The following NUP93 variants were observed in gnomAD, a reference collection of about 807,000 sequenced individuals.
NUP93 encodes the protein nuclear pore complex protein Nup93.
A neutral mutation model predicts 107.8 loss-of-function variants in NUP93; 55 were observed. The ratio of observed to expected loss-of-function variants is 0.51; its 90% CI spans 0.41 to 0.64. The LOEUF (loss-of-function observed/expected upper bound fraction) is 0.64. NUP93 is among the 30% of genes least tolerant of loss of function. NUP93 has a pLI of 0.00. For missense variants in NUP93, 937 were observed against 1,044.7 expected (o/e 0.90, Z 1.42); for synonymous variants, 390 against 397.5 (o/e 0.98, Z 0.22).
intron 3 of NUP93, among the ~76,000 whole-genome samples, chr16:56,777,034 G>GCACA (rs1962428133): frequency 1.3e-5 from 2 of 152,198 alleles, no homozygotes; most frequent in Non-Finnish European, 1.5e-5. Flanking sequence ...GTGTGTGTGT[G>GCACA]CACGCACGTG....
chr16:56,836,742 T>G (rs747701611), intron 17 of NUP93, 25 bp downstream of exon 17: 1 of 1,474,548 alleles, frequency 6.8e-7, no homozygotes, highest in East Asian at 2.3e-5. Flanking sequence ...CTTCCTTCTT[T>G]TGCACTTCAC....
chr16:56,778,673 G>A (rs1426784163), intron 3 of NUP93, among the ~76,000 whole-genome samples: 2 of 152,180 alleles, frequency 1.3e-5, no homozygotes, highest in Non-Finnish European at 2.9e-5. Flanking sequence ...TTGGGGCAAG[G>A]AGAAGGATGG....
At chr16:56,838,902 A>G in intron 18 of NUP93, 50 bp from the exon 19 acceptor site, 1 of 1,305,578 alleles carries the variant, frequency 7.7e-7, no homozygotes, top group Middle Eastern at 1.8e-4. Flanking sequence ...CGGATTACAC[A>G]GAAATTCCTG....
chr16:56,826,751 A>C (rs1164523402), intron 8 of NUP93, among the ~76,000 whole-genome samples: 1 of 151,900 alleles, frequency 6.6e-6, no homozygotes, highest in Non-Finnish European at 1.5e-5. Flanking sequence ...TAACTGCATA[A>C]AATTTCATTG....
rs1359344044 is a variant in NUP93, at chr16:56,822,545, T to C, written c.654+952T>C. Among the ~76,000 whole-genome samples, 3 of 134,148 alleles carry C rather than the reference T, an allele frequency of 2.2e-5. No homozygotes were observed. The East Asian group carries it at 7.0e-4, about 31-fold the overall frequency. 88.0% of individuals were successfully genotyped at this position (134,148 alleles called of 152,430 possible). On this transcript the variant is annotated intron_variant, in intron 7 of 21. Transcript: ENST00000308159. ...AAAAAAAAAAAGTAACTTTTTCTTT[T>C]CTTTCTTTCTTTTCTTTTCTTTTTT... is the stretch of plus-strand genomic sequence containing the variant.
rs182549039 is a variant in NUP93 at position 56,764,347 on chromosome 16, G to A, written c.297+5692G>A. 2.1e-3 allele frequency among the ~76,000 whole-genome samples: 323 copies of A among 152,040 alleles called. 3 individuals are homozygous for A. The highest frequency in any genetic ancestry group is 4.0e-3 in the African/African-American group (165 of 41,450). Reference sequence around the variant, plus strand: ...TCTACTAAAAATACAAAAATTAGCCGGACATGTTGGTGCACGCCTGTAATC... The same window carrying A: ...TCTACTAAAAATACAAAAATTAGCCAGACATGTTGGTGCACGCCTGTAATC... On this transcript the variant is annotated intron_variant, in intron 3 of 21. Transcript: ENST00000308159.
At chr16:56,814,848 G>T (rs1287633552) in intron 5 of NUP93, among the ~76,000 whole-genome samples, 2 of 152,226 alleles carry the variant, frequency 1.3e-5, no homozygotes, top group Non-Finnish European at 2.9e-5. Flanking sequence ...GCTCCGCCAA[G>T]CCCCAGTGCA....
At chr16:56,826,903 A>G (rs1963673699) in intron 8 of NUP93, among the ~76,000 whole-genome samples, 1 of 151,692 alleles carries the variant, frequency 6.6e-6, no homozygotes, top group Admixed American at 6.6e-5. Context: ...AAAATTAGCC[A>G]GGCATGATGG....
intron 3 of NUP93, among the ~76,000 whole-genome samples, chr16:56,759,578 G>A (rs1170045024): frequency 2.0e-5 from 3 of 152,158 alleles, no homozygotes; most frequent in Non-Finnish European, 2.9e-5. Context: ...TGTTCCCAAA[G>A]TATGAGAATC....
Position 56,844,742 on chromosome 16 carries a change from G to A in NUP93, c.*133G>A, listed in dbSNP as rs1056073880. The A allele has an allele frequency of 4.8e-6, 2 of 415,578 alleles. No homozygotes were observed. The highest frequency in any genetic ancestry group is 7.1e-5 in the East Asian group (2 of 28,160). The allele number at this position is 415,578 out of a possible 1,614,324, so 25.7% of individuals were successfully genotyped here. A position where few individuals can be genotyped will look rare whatever the true frequency, so the allele number is the denominator to read the frequency against. ...TTCTGTATTATGTATTTTTGTCAAC[G>A]CCAATAAATTTCTTTGATTTGTATT... On this transcript the variant is annotated 3_prime_UTR_variant, in exon 22 of 22. Transcript: ENST00000308159.
Position 56,832,023 on chromosome 16 carries a change from C to T in NUP93, c.1251+16C>T, listed in dbSNP as rs747332469. 1.2e-6 allele frequency: 2 copies of T among 1,613,590 alleles called. No individual in the cohort carries two copies. The highest frequency in any genetic ancestry group is 1.7e-6 in the Non-Finnish European group (2 of 1,179,770). ...GTGGCTGAAGGTAGGCACTGTTTCCCCTGCCCACATAGGGCTTTACCCCTT... is the reference window on the plus strand; with the variant it reads ...GTGGCTGAAGGTAGGCACTGTTTCCTCTGCCCACATAGGGCTTTACCCCTT... On this transcript the variant is annotated intron_variant, in intron 11 of 21. Coordinates refer to ENST00000308159, the MANE Select transcript of NUP93 (RefSeq NM_014669.5).
chr16:56,814,666 G>A (rs894164777), intron 5 of NUP93, among the ~76,000 whole-genome samples: 3 of 152,190 alleles, frequency 2.0e-5, no homozygotes, highest in African/African-American at 4.8e-5. Flanking sequence ...CTACTCTGAC[G>A]AGACTTTTCT....
intron 4 of NUP93, among the ~76,000 whole-genome samples, 159 bp downstream of exon 4, chr16:56,798,697 A>G (rs774143150): frequency 1.4e-4 from 22 of 152,016 alleles, no homozygotes; most frequent in Non-Finnish European, 4.4e-5. Flanking sequence ...GTGAGACCCC[A>G]TCTTTACAAA....
At chr16:56,807,031 C>G (rs1209109336) in intron 5 of NUP93, among the ~76,000 whole-genome samples, 2 of 152,216 alleles carry the variant, frequency 1.3e-5, no homozygotes, top group Non-Finnish European at 2.9e-5. Context: ...ACTCTCATCT[C>G]ACATGGAATG....
intron 7 of NUP93, among the ~76,000 whole-genome samples, chr16:56,823,194 C>CGCTCACCA (rs1342502612): frequency 6.6e-6 from 1 of 152,126 alleles, no homozygotes; most frequent in Non-Finnish European, 1.5e-5. Flanking sequence ...GAGGCTGTGA[C>CGCTCACCA]GCTCACCAAG....
At position 56,829,089 on chromosome 16, in the gene NUP93, G is replaced by C. The variant is rs139658470; in HGVS notation, c.907G>C (p.Ala303Pro). 1 of 1,613,006 alleles carries C rather than the reference G, an allele frequency of 6.2e-7. No individual in the cohort carries two copies. Among genetic ancestry groups the C allele is most frequent in the Admixed American group, 1.7e-5 (1 of 59,784 alleles). The change falls in exon 9 of 22, where the codon GCT becomes CCT. Residue 303 changes from alanine (A) to proline (P), a missense_variant. Physicochemically the swap from Ala to Pro is conservative, Grantham distance 27 (BLOSUM62 -1). Transcript: ENST00000308159. Reference sequence around the variant, plus strand: ...AAGTTTCCTGAACATTAAACTGCCAGCTCCCTTGCCTGGACTACAGGTACT... The same window carrying C: ...AAGTTTCCTGAACATTAAACTGCCACCTCCCTTGCCTGGACTACAGGTACT... Reference protein sequence around the residue: ...VRSFLNIKLPAPLPGLQDGEV... With the variant: ...VRSFLNIKLPPPLPGLQDGEV...
At chr16:56,840,733 C>T (rs1334209946) in intron 20 of NUP93, among the ~76,000 whole-genome samples, 1 of 152,202 alleles carries the variant, frequency 6.6e-6, no homozygotes, top group East Asian at 1.9e-4. Flanking sequence ...CGGTGGCTCA[C>T]ACCTATAATC....
chr16:56,805,815 T>C, intron 5 of NUP93, 183 bp downstream of exon 5: 1 of 617,576 alleles, frequency 1.6e-6, no homozygotes, highest in Non-Finnish European at 2.8e-6. Flanking sequence ...CTGCTTCGTC[T>C]CAGTCTCCTT....
chr16:56,821,625 G>T (rs1245578480), intron 7 of NUP93, 32 bp downstream of exon 7: 1 of 1,485,136 alleles, frequency 6.7e-7, no homozygotes, highest in African/African-American at 1.4e-5. Flanking sequence ...AGTAGAAACC[G>T]GGGTCCAGTG....
Sources: allele counts gnomAD v4.1 joint callset (sites outside exome capture counted in the v4.1 genomes callset), GRCh38; gene constraint gnomAD v4.1.1; transcripts MANE v1.5; gene names NCBI Gene and HGNC (gene_info 2026-07-23, HGNC 2026-07-21).